FANCA: variants seen among roughly 807,000 people sequenced by gnomAD.
FANCA encodes Fanconi anemia group A protein.
In FANCA, 236 loss-of-function variants were observed where a neutral mutation model predicts 194.3. That is an observed-to-expected ratio of 1.21 (90% confidence interval 1.09 to 1.35). FANCA has a LOEUF of 1.35. Ranked by LOEUF, FANCA falls within the 40% of genes most tolerant of loss-of-function variation. The pLI is 0.00. For missense variants in FANCA, 2,628 were observed against 1,813.9 expected (o/e 1.45, Z -8.15); for synonymous variants, 1,014 against 715.8 (o/e 1.42, Z -6.65).
In FANCA at chr16:89,815,986, G is replaced by C. The variant is rs765679791; in HGVS notation, c.80C>G (p.Ala27Gly). 5.0e-6 allele frequency: 8 copies of C among 1,610,634 alleles called. No individual in the cohort carries two copies. The African/African-American group carries it at 9.4e-5, about 19-fold the overall frequency. The change falls in exon 2 of 43, where the codon GCG becomes GGG. Residue 27 changes from alanine to glycine, a missense_variant and splice_region_variant. By Grantham distance (60) the Ala-to-Gly change is moderately conservative. Coordinates refer to ENST00000389301, the MANE Select transcript of FANCA (RefSeq NM_000135.4). The part of the protein sequence containing the change: ...GRRRAWAELL[A>G]GRVKREKYNP... The stretch of plus-strand genomic sequence containing the variant: ...ATATTTTTCCCTCTTGACCCTTCCC[G>C]CTACGGAGAGAAGTCGGTTCGAAAC...
At chr16:89,809,660 A>C (rs1382516154) in intron 5 of FANCA, among the ~76,000 whole-genome samples, 1 of 150,764 alleles carries the variant, frequency 6.6e-6, no homozygotes, top group Admixed American at 6.6e-5. Flanking sequence ...GACCAGCCTG[A>C]CCAACATGGA....
At chr16:89,800,437 G>A (rs915418234) in intron 8 of FANCA, among the ~76,000 whole-genome samples, 1 of 152,188 alleles carries the variant, frequency 6.6e-6, no homozygotes, top group African/African-American at 2.4e-5. Flanking sequence ...GGAGCCACTG[G>A]CTCAGGAACC....
chr16:89,774,511 A>C (rs2039428170), intron 21 of FANCA, among the ~76,000 whole-genome samples: 1 of 151,922 alleles, frequency 6.6e-6, no homozygotes, highest in Non-Finnish European at 1.5e-5. Flanking sequence ...CGGGTGGATC[A>C]CGAGGTCAGG....
Position 89,738,693 on chromosome 16 carries a change from CA to C in FANCA, c.4275del (p.Asp1427ThrfsTer6), listed in dbSNP as rs1598048941. 1 of 1,613,936 alleles carries C rather than the reference CA, an allele frequency of 6.2e-7. No individual in the cohort carries two copies. ...FSHVAELLAD[R>X]GDCDPEVSAA... is the part of the protein sequence containing the mutation. ...GCGCTCACCTCTGGGTCGCAGTCCC[CA>C]CGATCAGCCAGCAGCTGTGAGAGAG... On this transcript the variant is annotated frameshift_variant, in exon 43 of 43. Transcript: ENST00000389301. LOFTEE classifies it low-confidence loss of function (END_TRUNC).
rs561639125 is a variant in FANCA at position 89,810,146 on chromosome 16, C to T, written c.522+561G>A. On this transcript the variant is annotated intron_variant, in intron 5 of 42. Transcript: ENST00000389301. ...GACCATCCTGGCTAACACGGTGAAA[C>T]CCCGTCTCTGCTAAAAAATACAAAA... Among the ~76,000 whole-genome samples, 21 of 152,000 alleles carry T rather than the reference C, an allele frequency of 1.4e-4. 1 individual carries two copies. The South Asian group carries it at 4.4e-3, about 31-fold the overall frequency.
At chr16:89,798,551 C>T in intron 10 of FANCA, 1 of 1,123,274 alleles carries the variant, frequency 8.9e-7, no homozygotes. Flanking sequence ...GGTCCCCTGC[C>T]CACACTAGAG....
At chr16:89,767,348 G>T (rs1267520759) in intron 26 of FANCA, 111 bp from the exon 27 acceptor site, 1 of 792,200 alleles carries the variant, frequency 1.3e-6, no homozygotes, top group Non-Finnish European at 2.1e-6. Flanking sequence ...GAACTGGATG[G>T]CCTGAGCATT....
intron 30 of FANCA, among the ~76,000 whole-genome samples, chr16:89,757,649 G>T (rs1049517567): frequency 2.0e-5 from 3 of 152,208 alleles, no homozygotes; most frequent in African/African-American, 7.2e-5. Context: ...TAACACAACA[G>T]TGTGAAGCTG....
At chr16:89,803,639 T>G (rs1232152363) in intron 7 of FANCA, among the ~76,000 whole-genome samples, 1 of 151,494 alleles carries the variant, frequency 6.6e-6, no homozygotes, top group Non-Finnish European at 1.5e-5. Flanking sequence ...TTTTTTTTTT[T>G]GTGAGACGGA....
intron 35 of FANCA, among the ~76,000 whole-genome samples, chr16:89,745,352 A>G (rs1172147752): frequency 6.6e-6 from 1 of 152,098 alleles, no homozygotes; most frequent in East Asian, 1.9e-4. Flanking sequence ...GCTGGGAACG[A>G]AACAGTGAAG....
intron 41 of FANCA, 40 bp downstream of exon 41, chr16:89,739,093 G>C: frequency 6.2e-7 from 1 of 1,613,912 alleles, no homozygotes; most frequent in Non-Finnish European, 8.5e-7. Context: ...CTCCGGCTGG[G>C]GGGAGCTCCC....
rs896061966 is a variant in FANCA at position 89,798,371 on chromosome 16, T to C, written c.893+795A>G. ...TGTAAACATTCAGGAAATCACACAG[T>C]GCTTTATTCACTGTTTCAGTAAAAG... On this transcript the variant is annotated intron_variant, in intron 10 of 42. Coordinates refer to ENST00000389301, the MANE Select transcript of FANCA (RefSeq NM_000135.4). The C allele has an allele frequency of 5.7e-6, 6 of 1,044,674 alleles. No individual in the cohort carries two copies. In the South Asian group the frequency reaches 1.3e-4, roughly 23 times the overall value. 64.7% of individuals were successfully genotyped at this position (1,044,674 alleles called of 1,614,324 possible).
chr16:89,774,876 T>C lies in FANCA; in HGVS notation c.1900+866A>G, dbSNP rs565595316. On this transcript the variant is annotated intron_variant, in intron 21 of 42. Transcript: ENST00000389301. ...TGAAAGGCCGAGGCAGGCGGATCAGTTGAGGTCAGGAGTTCGAGACCAGCT... is the reference window on the plus strand; with the variant it reads ...TGAAAGGCCGAGGCAGGCGGATCAGCTGAGGTCAGGAGTTCGAGACCAGCT... Among the ~76,000 whole-genome samples the C allele has an allele frequency of 6.3e-4, 95 of 151,806 alleles. 1 individual carries two copies. The highest frequency in any genetic ancestry group is 8.3e-4 in the South Asian group (4 of 4,806).
chr16:89,764,216 G>A (rs936839257), intron 28 of FANCA, among the ~76,000 whole-genome samples: 1 of 152,218 alleles, frequency 6.6e-6, no homozygotes, highest in Non-Finnish European at 1.5e-5. Flanking sequence ...AGCACAGCGA[G>A]ACGTTGTCTC....
chr16:89,789,822 C>G (rs976383534), intron 14 of FANCA, among the ~76,000 whole-genome samples: 3 of 152,162 alleles, frequency 2.0e-5, no homozygotes, highest in Non-Finnish European at 2.9e-5. Flanking sequence ...GGCGGTCCTT[C>G]AAAGCTGATA....
chr16:89,767,511 G>A (rs375165624), intron 26 of FANCA, among the ~76,000 whole-genome samples: 1 of 152,112 alleles, frequency 6.6e-6, no homozygotes, highest in Non-Finnish European at 1.5e-5. Context: ...GGGATTACAG[G>A]CATCTCCCAC....
intron 8 of FANCA, 99 bp from the exon 9 acceptor site, chr16:89,799,737 A>C (rs760970863): frequency 1.8e-6 from 2 of 1,085,446 alleles, no homozygotes; most frequent in Non-Finnish European, 2.8e-6. Context: ...CTCTAAAGTA[A>C]AGAAACGGCA....
At chr16:89,794,822 C>A (rs1212858069) in intron 11 of FANCA, among the ~76,000 whole-genome samples, 1 of 152,080 alleles carries the variant, frequency 6.6e-6, no homozygotes, top group Non-Finnish European at 1.5e-5. Flanking sequence ...AACAGGACAC[C>A]CACTGGGCAG....
intron 23 of FANCA, 120 bp from the exon 24 acceptor site, chr16:89,770,754 AG>A: frequency 1.1e-6 from 1 of 873,902 alleles, no homozygotes; most frequent in Non-Finnish European, 1.9e-6. Flanking sequence ...CCTCCAAAAC[AG>A]GCTTGTTTGG....
Sources: allele counts gnomAD v4.1 joint callset (sites outside exome capture counted in the v4.1 genomes callset), GRCh38; gene constraint gnomAD v4.1.1; transcripts MANE v1.5; gene names NCBI Gene and HGNC (gene_info 2026-07-23, HGNC 2026-07-21).